MACROD2: variants seen among roughly 807,000 people sequenced by gnomAD.
MACROD2 encodes ADP-ribose glycohydrolase MACROD2.
A neutral mutation model predicts 70.4 loss-of-function variants in MACROD2; 36 were observed. The observed-to-expected ratio is 0.51, with a 90% CI of 0.39 to 0.68. The LOEUF (loss-of-function observed/expected upper bound fraction) is 0.68. MACROD2 is among the 30% of genes least tolerant of loss of function. The probability of loss-of-function intolerance (pLI) is 0.00; values close to 1 mark genes in which losing one functional copy is unlikely to be tolerated. For synonymous variants in MACROD2, 172 were observed against 178.8 expected, an observed-to-expected ratio of 0.96 and a Z score of 0.30; for missense variants, 496 against 538.4, an observed-to-expected ratio of 0.92 and a Z score of 0.78.
At chr20:15,672,680 C>T (rs890005386) in intron 8 of MACROD2, among the ~76,000 whole-genome samples, 15 of 152,224 alleles carry the variant, frequency 9.9e-5, no homozygotes, top group African/African-American at 2.9e-4. Context: ...CAGTGACATG[C>T]GAAAGAACTT....
chr20:14,803,144 T>G (rs2122147027), intron 5 of MACROD2, among the ~76,000 whole-genome samples: 1 of 152,192 alleles, frequency 6.6e-6, no homozygotes, highest in African/African-American at 2.4e-5. Context: ...TCTTCTCCTT[T>G]GTAAGTTGTA....
intron 10 of MACROD2, among the ~76,000 whole-genome samples, chr20:15,909,222 G>A (rs1234621466): frequency 2.6e-5 from 4 of 152,188 alleles, no homozygotes; most frequent in Non-Finnish European, 4.4e-5. Context: ...TAATCTACCA[G>A]CATGGGGGGC....
At chr20:15,991,507 T>C (rs1886646859) in intron 15 of MACROD2, among the ~76,000 whole-genome samples, 1 of 152,210 alleles carries the variant, frequency 6.6e-6, no homozygotes, top group South Asian at 2.1e-4. Context: ...AGTGGACATG[T>C]CCCTGGGAAT....
intron 7 of MACROD2, among the ~76,000 whole-genome samples, chr20:15,464,118 G>A (rs1202176348): frequency 2.6e-5 from 4 of 152,248 alleles, no homozygotes; most frequent in East Asian, 1.9e-4. Context: ...GCACAATCAC[G>A]ACTCACTGCA....
intron 5 of MACROD2, among the ~76,000 whole-genome samples, chr20:15,070,080 G>A (rs1436974918): frequency 2.6e-5 from 4 of 152,122 alleles, no homozygotes; most frequent in Admixed American, 2.6e-4. Flanking sequence ...GCTTCCCAAG[G>A]CCTTGGGAGC....
chr20:15,635,896 CA>C (rs924005350), intron 8 of MACROD2, among the ~76,000 whole-genome samples: 1 of 151,606 alleles, frequency 6.6e-6, no homozygotes, highest in Admixed American at 6.6e-5. Context: ...GGCAAAACCC[CA>C]TCTCTTCTAA....
intron 6 of MACROD2, among the ~76,000 whole-genome samples, chr20:15,326,390 T>A (rs1215580005): frequency 6.6e-6 from 1 of 152,150 alleles, no homozygotes; most frequent in Non-Finnish European, 1.5e-5. Flanking sequence ...TACATTTTTT[T>A]ACCTTATTGG....
intron 5 of MACROD2, among the ~76,000 whole-genome samples, chr20:14,702,635 A>G (rs11698211): frequency 0.44 from 21,702 of 49,306 alleles, 4,483 homozygotes; most frequent in Non-Finnish European, 0.46. Context: ...ACATATATAT[A>G]TGTATATATA....
chr20:15,991,498 G>A (rs1181416875), intron 15 of MACROD2, among the ~76,000 whole-genome samples: 1 of 152,194 alleles, frequency 6.6e-6, no homozygotes, highest in Non-Finnish European at 1.5e-5. Context: ...CAATAGCACA[G>A]TGGACATGTC....
intron 3 of MACROD2, among the ~76,000 whole-genome samples, chr20:14,321,737 T>C (rs998086722): frequency 6.6e-6 from 1 of 152,154 alleles, no homozygotes; most frequent in African/African-American, 2.4e-5. Flanking sequence ...TATGCATTAA[T>C]CAGAAACTGT....
At chr20:14,526,093 A>G (rs947611025) in intron 4 of MACROD2, among the ~76,000 whole-genome samples, 16 of 152,330 alleles carry the variant, frequency 1.1e-4, no homozygotes, top group African/African-American at 3.8e-4. Flanking sequence ...CCAGAGTACA[A>G]TGAACTTAAA....
intron 6 of MACROD2, among the ~76,000 whole-genome samples, chr20:15,394,197 T>C (rs556414253): frequency 6.6e-6 from 1 of 152,346 alleles, no homozygotes; most frequent in South Asian, 2.1e-4. Flanking sequence ...TGATATAGCA[T>C]TGGTACCAAA....
chr20:15,038,603 C>G (rs568739304), intron 5 of MACROD2, among the ~76,000 whole-genome samples: 1 of 152,282 alleles, frequency 6.6e-6, no homozygotes, highest in East Asian at 1.9e-4. Flanking sequence ...TCTGCTATGG[C>G]TGATTCAACA....
chr20:14,069,715 T>A (rs2053813745), intron 2 of MACROD2, among the ~76,000 whole-genome samples: 1 of 147,928 alleles, frequency 6.8e-6, no homozygotes, highest in African/African-American at 2.5e-5. Flanking sequence ...AGAATGTGCT[T>A]AGTAAATGGG....
chr20:14,373,003 T>C (rs1286072771), intron 3 of MACROD2, among the ~76,000 whole-genome samples: 1 of 152,184 alleles, frequency 6.6e-6, no homozygotes, highest in Non-Finnish European at 1.5e-5. Flanking sequence ...TTTTCTTTTG[T>C]AAGTCTTCAA....
chr20:15,183,268 C>T (rs1231512593), intron 5 of MACROD2, among the ~76,000 whole-genome samples: 5 of 152,102 alleles, frequency 3.3e-5, no homozygotes, highest in African/African-American at 1.2e-4. Context: ...GGTATGATGG[C>T]TCACTCCTAT....
At chr20:14,198,279 GT>G (rs2081450116) in intron 3 of MACROD2, among the ~76,000 whole-genome samples, 1 of 152,176 alleles carries the variant, frequency 6.6e-6, no homozygotes, top group South Asian at 2.1e-4. Flanking sequence ...ATATCTAATA[GT>G]TTACTGACTT....
intron 6 of MACROD2, among the ~76,000 whole-genome samples, chr20:15,239,467 C>T: frequency 6.6e-6 from 1 of 151,982 alleles, no homozygotes; most frequent in African/African-American, 2.4e-5. Context: ...AAACACATAC[C>T]CTTCAAAACT....
intron 8 of MACROD2, among the ~76,000 whole-genome samples, chr20:15,512,219 GT>G (rs2047509186): frequency 6.6e-6 from 1 of 152,192 alleles, no homozygotes; most frequent in Admixed American, 6.5e-5. Context: ...TGACCAATAA[GT>G]GAGTTTGATG....
Sources: allele counts gnomAD v4.1 joint callset (sites outside exome capture counted in the v4.1 genomes callset), GRCh38; gene constraint gnomAD v4.1.1; transcripts MANE v1.5; gene names NCBI Gene and HGNC (gene_info 2026-07-23, HGNC 2026-07-21).